The following HPSE2 variants were observed in gnomAD, a reference collection of about 807,000 sequenced individuals.
HPSE2 encodes heparanase 2 (inactive), also known as inactive heparanase-2.
A neutral mutation model predicts 60.5 loss-of-function variants in HPSE2; 38 were observed. That is an observed-to-expected ratio of 0.63 (90% CI 0.48 to 0.82). The LOEUF is 0.82. Among genes scored for constraint, HPSE2 ranks in the 40% least tolerant of loss-of-function variants. The probability of loss-of-function intolerance (pLI) is 0.00; values close to 1 mark genes in which losing one functional copy is unlikely to be tolerated. For missense variants in HPSE2, 713 were observed against 740.4 expected (o/e 0.96, Z 0.43); for synonymous variants, 295 against 293.2 (o/e 1.01, Z -0.06).
intron 2 of HPSE2, among the ~76,000 whole-genome samples, chr10:99,178,076 A>C (rs545425563): frequency 6.6e-6 from 1 of 152,082 alleles, no homozygotes; most frequent in Non-Finnish European, 1.5e-5. Context: ...AACCAATGAG[A>C]ACAGACACAA....
chr10:99,125,830 G>A (rs1405501947), intron 3 of HPSE2, among the ~76,000 whole-genome samples: 3 of 152,144 alleles, frequency 2.0e-5, no homozygotes, highest in Non-Finnish European at 4.4e-5. Flanking sequence ...TCTTTAGCTC[G>A]AGCCCAAGGA....
intron 3 of HPSE2, among the ~76,000 whole-genome samples, chr10:98,819,341 A>G (rs958800444): frequency 6.6e-6 from 1 of 152,072 alleles, no homozygotes; most frequent in Non-Finnish European, 1.5e-5. Context: ...AAAAAAATGC[A>G]AATGGTAGGA....
intron 3 of HPSE2, among the ~76,000 whole-genome samples, chr10:98,826,927 C>G (rs939965469): frequency 6.6e-6 from 1 of 152,164 alleles, no homozygotes; most frequent in East Asian, 2.0e-4. Flanking sequence ...GCAGGAGGAT[C>G]GCTTGAGACC....
intron 3 of HPSE2, among the ~76,000 whole-genome samples, chr10:98,979,716 T>C (rs762573628): frequency 1.9e-4 from 29 of 152,340 alleles, no homozygotes; most frequent in South Asian, 4.1e-4. Flanking sequence ...TGCAACTTTA[T>C]AGTACAGAAC....
In HPSE2 at chr10:98,594,692, T is replaced by C. The variant is rs185280551; in HGVS notation, c.1320+20212A>G. ...GTGTATATATACCACATTTTATTTATCCATTCATCTGTTGATGGACACTTA... is the reference window on the plus strand; with the variant it reads ...GTGTATATATACCACATTTTATTTACCCATTCATCTGTTGATGGACACTTA... On this transcript the variant is annotated intron_variant, in intron 9 of 11. Coordinates refer to ENST00000370552, the MANE Select transcript of HPSE2 (RefSeq NM_021828.5). Among the ~76,000 whole-genome samples, 132 of 152,300 alleles carry C rather than the reference T, an allele frequency of 8.7e-4. 1 individual carries two copies. The highest frequency in any genetic ancestry group is 2.9e-3 in the African/African-American group (122 of 41,560).
intron 3 of HPSE2, among the ~76,000 whole-genome samples, chr10:98,946,490 A>C (rs1257029026): frequency 6.6e-6 from 1 of 150,596 alleles, no homozygotes; most frequent in Non-Finnish European, 1.5e-5. Flanking sequence ...AAAAAAAAAC[A>C]GAAAAGAAAT....
chr10:98,759,407 C>A (rs985263048), intron 3 of HPSE2, among the ~76,000 whole-genome samples: 7 of 152,088 alleles, frequency 4.6e-5, no homozygotes, highest in South Asian at 2.1e-4. Flanking sequence ...TATCTTCTAG[C>A]AATTTTACAA....
At chr10:98,973,643 A>T (rs1391209121) in intron 3 of HPSE2, among the ~76,000 whole-genome samples, 1 of 152,220 alleles carries the variant, frequency 6.6e-6, no homozygotes, top group African/African-American at 2.4e-5. Context: ...TGATGATCAC[A>T]TCTTAGTTAT....
rs1260969435 is a variant in HPSE2 at position 98,949,007 on chromosome 10, T to C, written c.610+195231A>G. ...CAGTAGGCTATTAATAGATAAGTTT[T>C]GGGGAAGTCAAAAGTTATGTGCAAA... On this transcript the variant is annotated intron_variant, in intron 3 of 11. Coordinates refer to ENST00000370552, the MANE Select transcript of HPSE2 (RefSeq NM_021828.5). Among the ~76,000 whole-genome samples, 25 of 152,138 alleles carry C rather than the reference T, an allele frequency of 1.6e-4. 1 individual carries two copies. The highest frequency in any genetic ancestry group is 1.6e-3 in the Admixed American group (24 of 15,242).
chr10:98,671,666 C>A (rs901385543), intron 6 of HPSE2, among the ~76,000 whole-genome samples: 6 of 152,118 alleles, frequency 3.9e-5, no homozygotes, highest in Non-Finnish European at 1.5e-5. Context: ...GCCCCAGTTT[C>A]AAAGGGTGAT....
At chr10:99,196,432 G>A (rs1848399698) in intron 2 of HPSE2, among the ~76,000 whole-genome samples, 1 of 151,950 alleles carries the variant, frequency 6.6e-6, no homozygotes, top group South Asian at 2.1e-4. Context: ...CCCACAGAAT[G>A]GTAGAAAACA....
intron 9 of HPSE2, among the ~76,000 whole-genome samples, chr10:98,533,345 T>G (rs762937900): frequency 6.6e-6 from 1 of 152,232 alleles, no homozygotes; most frequent in Non-Finnish European, 1.5e-5. Context: ...ATGGGACAGT[T>G]TGAAGATAGA....
intron 3 of HPSE2, chr10:99,013,917 G>T: frequency 7.0e-6 from 3 of 430,074 alleles, no homozygotes; most frequent in South Asian, 3.5e-5. Context: ...CCTGGTGATT[G>T]AACAGTCTCC....
At chr10:99,183,077 G>A (rs746885229) in intron 2 of HPSE2, among the ~76,000 whole-genome samples, 4 of 152,126 alleles carry the variant, frequency 2.6e-5, no homozygotes, top group Non-Finnish European at 5.9e-5. Flanking sequence ...CAAATAAGGT[G>A]AGCCCTATGA....
intron 6 of HPSE2, among the ~76,000 whole-genome samples, chr10:98,689,894 A>G (rs1948031136): frequency 6.6e-6 from 1 of 152,198 alleles, no homozygotes. Flanking sequence ...TTCACTGGAT[A>G]AAAACAAGGT....
chr10:99,151,710 C>CA (rs1276365374), intron 2 of HPSE2, among the ~76,000 whole-genome samples: 1 of 152,012 alleles, frequency 6.6e-6, no homozygotes, highest in African/African-American at 2.4e-5. Context: ...ATGACATTTA[C>CA]AAAGGGCGAA....
intron 9 of HPSE2, among the ~76,000 whole-genome samples, chr10:98,549,052 TA>T (rs2133847744): frequency 6.6e-6 from 1 of 152,330 alleles, no homozygotes; most frequent in East Asian, 1.9e-4. Flanking sequence ...ATGAATATCC[TA>T]AAGTACTCAC....
chr10:98,913,104 T>C (rs1954026038), intron 3 of HPSE2, among the ~76,000 whole-genome samples: 1 of 152,140 alleles, frequency 6.6e-6, no homozygotes, highest in African/African-American at 2.4e-5. Flanking sequence ...ATAAAATACA[T>C]AACTTTAAAA....
chr10:99,127,452 A>G (rs1020440422), intron 3 of HPSE2, among the ~76,000 whole-genome samples: 1 of 152,226 alleles, frequency 6.6e-6, no homozygotes. Flanking sequence ...CTAAGAAAAA[A>G]GAATTTGAGA....
Sources: gnomAD v4.1 joint callset for allele counts (sites outside exome capture counted in the v4.1 genomes callset) on GRCh38, gnomAD v4.1.1 for gene constraint, MANE v1.5 for transcripts, NCBI Gene and HGNC (gene_info 2026-07-23, HGNC 2026-07-21) for gene names.